The following DOCK1 variants were observed in gnomAD, a reference collection of about 807,000 sequenced individuals.
The protein encoded by DOCK1 is dedicator of cytokinesis protein 1.
DOCK1 carries 138 observed loss-of-function variants against 262.7 expected under a neutral mutation model. That is an observed-to-expected ratio of 0.53 (90% confidence interval 0.46 to 0.61). The LOEUF is 0.61. Ranked by LOEUF, DOCK1 falls within the 20% of genes least tolerant of loss-of-function variation. The pLI, the probability that DOCK1 is intolerant of heterozygous loss-of-function variation, is 0.00. For missense variants in DOCK1, 1,908 were observed against 2,370.7 expected, an observed-to-expected ratio of 0.80 and a Z score of 4.05; for synonymous variants, 866 against 867.4, an observed-to-expected ratio of 1.00 and a Z score of 0.03.
chr10:127,373,256 A>G (rs527267721), intron 33 of DOCK1, among the ~76,000 whole-genome samples: 1 of 152,140 alleles, frequency 6.6e-6, no homozygotes, highest in South Asian at 2.1e-4. Context: ...GTCTTTAGGG[A>G]CATTGCTCCT....
intron 1 of DOCK1, among the ~76,000 whole-genome samples, chr10:126,957,092 G>A (rs2036804638): frequency 6.6e-6 from 1 of 152,212 alleles, no homozygotes. Context: ...AGCAGCCTGT[G>A]CCAACAGGCA....
intron 1 of DOCK1, among the ~76,000 whole-genome samples, chr10:126,906,349 G>A (rs1459533326): frequency 6.6e-6 from 1 of 152,252 alleles, no homozygotes; most frequent in African/African-American, 2.4e-5. Context: ...GCCCGTCCGC[G>A]TGGGACCCGC....
intron 13 of DOCK1, among the ~76,000 whole-genome samples, chr10:127,019,948 G>A (rs543608560): frequency 1.3e-5 from 2 of 152,290 alleles, no homozygotes; most frequent in Non-Finnish European, 2.9e-5. Flanking sequence ...GCTATTCAGG[G>A]TGCATGCTGT....
chr10:127,290,256 A>T (rs2061304505), intron 29 of DOCK1, among the ~76,000 whole-genome samples: 2 of 152,006 alleles, frequency 1.3e-5, no homozygotes, highest in Admixed American at 1.3e-4. Context: ...TGAAGGTACG[A>T]TGATGTTATC....
At chr10:127,343,564 A>T in intron 30 of DOCK1, 82 bp from the exon 31 acceptor site, 1 of 1,135,458 alleles carries the variant, frequency 8.8e-7, no homozygotes. Flanking sequence ...GTGCTGAGCA[A>T]ATGATAAATG....
At chr10:127,088,855 G>A (rs2136077348) in intron 23 of DOCK1, among the ~76,000 whole-genome samples, 1 of 152,244 alleles carries the variant, frequency 6.6e-6, no homozygotes, top group South Asian at 2.1e-4. Context: ...TATTTGGAAG[G>A]TTATATCCAG....
chr10:127,384,224 G>A (rs569581559), intron 37 of DOCK1, among the ~76,000 whole-genome samples: 5 of 152,264 alleles, frequency 3.3e-5, no homozygotes, highest in South Asian at 4.1e-4. Flanking sequence ...ATGTCTCCTC[G>A]TGCATCTTCA....
intron 33 of DOCK1, among the ~76,000 whole-genome samples, chr10:127,366,451 C>T (rs144307171): frequency 8.5e-5 from 13 of 152,196 alleles, no homozygotes; most frequent in African/African-American, 1.2e-4. Context: ...CCCTGGCCTC[C>T]GTGGCAGTCG....
chr10:127,125,589 C>T lies in DOCK1; in HGVS notation c.2739C>T (p.Tyr913=). The T allele has an allele frequency of 1.2e-6, 2 of 1,613,710 alleles. No individual in the cohort carries two copies. Among genetic ancestry groups the T allele is most frequent in the Non-Finnish European group, 8.5e-7 (1 of 1,179,822 alleles). ...TCAGCCACATCCTGGAGGTGCTGTA[C>T]AGGAAGGACGTGGTGAGTGTTGGCT... ...QLLSHILEVL[Y]RKDVGPTQRH... Residue 913 remains tyrosine, a synonymous_variant, in exon 26 of 52, where the codon TAC becomes TAT. Coordinates refer to ENST00000623213, the MANE Select transcript of DOCK1 (RefSeq NM_001290223.2).
chr10:126,948,778 G>T (rs1308049509), intron 1 of DOCK1, among the ~76,000 whole-genome samples: 1 of 152,194 alleles, frequency 6.6e-6, no homozygotes, highest in Admixed American at 6.5e-5. Context: ...ATCATTGTGA[G>T]CTGCTCTGAT....
At chr10:127,370,600 T>C (rs899940883) in intron 33 of DOCK1, among the ~76,000 whole-genome samples, 1 of 152,240 alleles carries the variant, frequency 6.6e-6, no homozygotes, top group Admixed American at 6.5e-5. Flanking sequence ...GATTAGCTAC[T>C]ACTGGGATCC....
chr10:127,154,379 A>AAC (rs2052824890), intron 27 of DOCK1, among the ~76,000 whole-genome samples: 1 of 152,272 alleles, frequency 6.6e-6, no homozygotes, highest in South Asian at 2.1e-4. Flanking sequence ...TTGTCCAGCA[A>AAC]ACTAAGAATG....
At chr10:127,065,392 A>G (rs1002448835) in intron 23 of DOCK1, among the ~76,000 whole-genome samples, 1 of 151,986 alleles carries the variant, frequency 6.6e-6, no homozygotes, top group African/African-American at 2.4e-5. Context: ...TTCCTTTTTA[A>G]GGTTGTCATG....
chr10:127,179,146 C>T (rs2055472936), intron 27 of DOCK1, among the ~76,000 whole-genome samples: 1 of 152,204 alleles, frequency 6.6e-6, no homozygotes, highest in Non-Finnish European at 1.5e-5. Context: ...ATAAGTTTGT[C>T]CTGCCATGCT....
At chr10:126,946,591 G>C (rs1036508341) in intron 1 of DOCK1, among the ~76,000 whole-genome samples, 2 of 152,026 alleles carry the variant, frequency 1.3e-5, no homozygotes, top group African/African-American at 2.4e-5. Flanking sequence ...CTCAGCCTCC[G>C]TTAACTTCTA....
chr10:127,393,121 A>G (rs1408866172), intron 38 of DOCK1, among the ~76,000 whole-genome samples: 2 of 152,190 alleles, frequency 1.3e-5, no homozygotes, highest in Admixed American at 6.5e-5. Flanking sequence ...TGGAGTGTTT[A>G]CAAGAATTTC....
Position 127,072,668 on chromosome 10 carries a change from A to G in DOCK1, c.2445+10892A>G, listed in dbSNP as rs190940908. 1.5e-3 allele frequency among the ~76,000 whole-genome samples: 230 copies of G among 152,284 alleles called. 1 individual carries two copies. The highest frequency in any genetic ancestry group is 5.0e-3 in the African/African-American group (207 of 41,548). On this transcript the variant is annotated intron_variant, in intron 23 of 51. Coordinates refer to ENST00000623213, the MANE Select transcript of DOCK1 (RefSeq NM_001290223.2). Reference sequence around the variant, plus strand: ...GAGAACTGTGCTGCCACTTTTGTCCAGAGGGGTTGTGGAGCATGAAGTAAT... The same window carrying G: ...GAGAACTGTGCTGCCACTTTTGTCCGGAGGGGTTGTGGAGCATGAAGTAAT...
intron 27 of DOCK1, among the ~76,000 whole-genome samples, chr10:127,189,435 T>G (rs2134073413): frequency 6.6e-6 from 1 of 152,360 alleles, no homozygotes; most frequent in East Asian, 1.9e-4. Flanking sequence ...TGCTAACTTC[T>G]GTCATTCAGC....
chr10:127,139,629 T>C (rs995889868), intron 27 of DOCK1, among the ~76,000 whole-genome samples: 1 of 152,174 alleles, frequency 6.6e-6, no homozygotes, highest in Non-Finnish European at 1.5e-5. Flanking sequence ...ATTAATGAAA[T>C]CCGGGCCTCA....
Sources: gnomAD v4.1 joint callset for allele counts (sites outside exome capture counted in the v4.1 genomes callset) on GRCh38, gnomAD v4.1.1 for gene constraint, MANE v1.5 for transcripts, NCBI Gene and HGNC (gene_info 2026-07-23, HGNC 2026-07-21) for gene names.